MYRIP: variants seen among roughly 807,000 people sequenced by gnomAD.
The protein encoded by MYRIP is rab effector MyRIP.
In MYRIP, 49 loss-of-function variants were observed where a neutral mutation model predicts 98.0. That is an observed-to-expected ratio of 0.50 (90% CI 0.40 to 0.63). MYRIP has a LOEUF of 0.63. Ranked by LOEUF, MYRIP falls within the 30% of genes least tolerant of loss-of-function variation. The pLI, the probability that MYRIP is intolerant of heterozygous loss-of-function variation, is 0.00. For missense variants in MYRIP, 1,004 were observed against 1,058.2 expected (o/e 0.95, Z 0.71); for synonymous variants, 404 against 409.5 (o/e 0.99, Z 0.16).
chr3:40,022,840 A>G (rs1947026985), intron 2 of MYRIP, among the ~76,000 whole-genome samples: 1 of 152,176 alleles, frequency 6.6e-6, no homozygotes, highest in Non-Finnish European at 1.5e-5. Flanking sequence ...ACAGGAGTGG[A>G]AATAATACAT....
chr3:39,835,080 G>A (rs575717742), intron 1 of MYRIP, among the ~76,000 whole-genome samples: 1 of 152,166 alleles, frequency 6.6e-6, no homozygotes, highest in South Asian at 2.1e-4. Flanking sequence ...AAACCACTGA[G>A]ACAGAAAAAG....
chr3:40,199,910 G>A (rs527870430), intron 10 of MYRIP, among the ~76,000 whole-genome samples: 5 of 151,666 alleles, frequency 3.3e-5, no homozygotes, highest in African/African-American at 9.7e-5. Flanking sequence ...TTACCTCCAC[G>A]TCCACAGCAG....
intron 2 of MYRIP, among the ~76,000 whole-genome samples, chr3:40,000,764 T>G (rs76508106): frequency 0.017 from 2,618 of 152,294 alleles, 71 homozygotes; most frequent in African/African-American, 0.058. Context: ...TCGCTGGTCA[T>G]TCTGACAGAT....
intron 2 of MYRIP, among the ~76,000 whole-genome samples, chr3:39,925,359 AG>A (rs988078318): frequency 2.0e-4 from 30 of 152,094 alleles, no homozygotes; most frequent in African/African-American, 7.2e-4. Flanking sequence ...TTAGATTCAG[AG>A]GGTACATGTG....
chr3:40,032,239 G>T (rs983419423), intron 2 of MYRIP, among the ~76,000 whole-genome samples: 16 of 151,948 alleles, frequency 1.1e-4, no homozygotes, highest in Non-Finnish European at 1.8e-4. Context: ...TCTTCATTTC[G>T]TTATGTACCC....
At chr3:40,158,221 A>G (rs572447607) in intron 4 of MYRIP, among the ~76,000 whole-genome samples, 4 of 152,292 alleles carry the variant, frequency 2.6e-5, no homozygotes, top group East Asian at 1.9e-4. Context: ...GTTTCAAAGA[A>G]CATATTTATT....
intron 1 of MYRIP, among the ~76,000 whole-genome samples, chr3:39,871,904 T>C (rs1435391634): frequency 6.6e-6 from 1 of 151,976 alleles, no homozygotes; most frequent in East Asian, 1.9e-4. Flanking sequence ...GTGTATGCTA[T>C]AATATATATA....
intron 11 of MYRIP, 30 bp from the exon 12 acceptor site, chr3:40,233,829 T>A (rs1432112444): frequency 4.4e-6 from 7 of 1,595,766 alleles, no homozygotes; most frequent in Non-Finnish European, 5.1e-6. Flanking sequence ...GTTCTTGTCT[T>A]CTGTCCCCTT....
intron 1 of MYRIP, among the ~76,000 whole-genome samples, chr3:39,879,491 T>C (rs958544635): frequency 1.3e-5 from 2 of 152,134 alleles, no homozygotes; most frequent in Admixed American, 6.5e-5. Context: ...CTAAAGTGTA[T>C]TGAGTTTTCT....
chr3:40,124,290 C>G (rs964513240), intron 3 of MYRIP, among the ~76,000 whole-genome samples: 1 of 152,190 alleles, frequency 6.6e-6, no homozygotes, highest in Non-Finnish European at 1.5e-5. Context: ...CAGACACAAC[C>G]AAACCACAGA....
chr3:39,905,578 T>A (rs1257190058), intron 2 of MYRIP, among the ~76,000 whole-genome samples: 1 of 152,232 alleles, frequency 6.6e-6, no homozygotes, highest in Non-Finnish European at 1.5e-5. Context: ...ATAGTGTCCC[T>A]GTCTTTACCT....
intron 11 of MYRIP, among the ~76,000 whole-genome samples, chr3:40,221,688 G>A (rs1952343272): frequency 6.6e-6 from 1 of 152,166 alleles, no homozygotes; most frequent in Non-Finnish European, 1.5e-5. Flanking sequence ...CAGGCAGCCT[G>A]CCACCATAAA....
At chr3:39,977,074 CT>C (rs1945773014) in intron 2 of MYRIP, among the ~76,000 whole-genome samples, 1 of 146,928 alleles carries the variant, frequency 6.8e-6, no homozygotes. Context: ...GTTTTTTTCT[CT>C]TTTTTACTTT....
chr3:39,937,099 C>T (rs1944670618), intron 2 of MYRIP, among the ~76,000 whole-genome samples: 1 of 152,126 alleles, frequency 6.6e-6, no homozygotes, highest in Non-Finnish European at 1.5e-5. Flanking sequence ...TTGCTCCAAC[C>T]CAGGTTAAAT....
intron 1 of MYRIP, among the ~76,000 whole-genome samples, chr3:39,833,581 T>G (rs578236312): frequency 6.6e-6 from 1 of 152,312 alleles, no homozygotes; most frequent in South Asian, 2.1e-4. Context: ...TTCCTGACTT[T>G]CAGGTTCTCC....
chr3:40,250,415 T>G, intron 14 of MYRIP, 24 bp from the exon 15 acceptor site: 1 of 1,614,134 alleles, frequency 6.2e-7, no homozygotes, highest in Non-Finnish European at 8.5e-7. Flanking sequence ...CAAAGGTATA[T>G]TGCTCATTGT....
At chr3:39,947,933 G>A (rs1050516416) in intron 2 of MYRIP, among the ~76,000 whole-genome samples, 4 of 152,064 alleles carry the variant, frequency 2.6e-5, no homozygotes, top group African/African-American at 7.2e-5. Context: ...ATCACTTTCA[G>A]AGCTACAAGA....
intron 3 of MYRIP, among the ~76,000 whole-genome samples, chr3:40,065,205 G>A (rs543462800): frequency 2.4e-4 from 36 of 152,180 alleles, no homozygotes; most frequent in East Asian, 7.7e-4. Context: ...CTCTGCCTTC[G>A]TTATCACATA....
At chr3:40,185,354 G>A (rs1951002979) in intron 9 of MYRIP, among the ~76,000 whole-genome samples, 1 of 152,136 alleles carries the variant, frequency 6.6e-6, no homozygotes, top group Middle Eastern at 3.2e-3. Flanking sequence ...TGCTGCGTGT[G>A]TTCAGTGTTG....
Sources: allele counts gnomAD v4.1 joint callset (sites outside exome capture counted in the v4.1 genomes callset), GRCh38; gene constraint gnomAD v4.1.1; transcripts MANE v1.5; gene names NCBI Gene and HGNC (gene_info 2026-07-23, HGNC 2026-07-21).